CRPPA: variants seen among roughly 807,000 people sequenced by gnomAD.
The protein encoded by CRPPA is CDP-L-ribitol pyrophosphorylase A.
In CRPPA, 43 loss-of-function variants were observed where a neutral mutation model predicts 52.0. The ratio of observed to expected loss-of-function variants is 0.83; its 90% CI spans 0.65 to 1.07. The LOEUF (loss-of-function observed/expected upper bound fraction) is 1.07, where lower values mean the gene tolerates loss of function less well. CRPPA is among the 50% of genes least tolerant of loss of function. The probability of loss-of-function intolerance (pLI) is 0.00; values close to 1 mark genes in which losing one functional copy is unlikely to be tolerated. For missense variants in CRPPA, 629 were observed against 551.7 expected (o/e 1.14, Z -1.40); for synonymous variants, 250 against 203.5 (o/e 1.23, Z -1.94).
intron 2 of CRPPA, among the ~76,000 whole-genome samples, chr7:16,381,861 C>A (rs1022515048): frequency 1.4e-4 from 21 of 151,992 alleles, no homozygotes; most frequent in African/African-American, 4.1e-4. Flanking sequence ...TTTCTCCATC[C>A]TTTTATTTTG....
At chr7:16,129,730 C>T (rs1782647291) in intron 9 of CRPPA, among the ~76,000 whole-genome samples, 1 of 152,070 alleles carries the variant, frequency 6.6e-6, no homozygotes, top group African/African-American at 2.4e-5. Context: ...GGAATAGAAC[C>T]TCGGTTTCTG....
At chr7:16,100,595 A>C (rs1782024729) in intron 9 of CRPPA, among the ~76,000 whole-genome samples, 1 of 152,214 alleles carries the variant, frequency 6.6e-6, no homozygotes, top group Non-Finnish European at 1.5e-5. Flanking sequence ...TGTCATCTGC[A>C]AACAGAGACA....
intron 2 of CRPPA, among the ~76,000 whole-genome samples, chr7:16,397,373 C>T (rs1356000315): frequency 6.6e-6 from 1 of 152,128 alleles, no homozygotes; most frequent in Non-Finnish European, 1.5e-5. Context: ...GTGTGTAACA[C>T]GTGTGACATA....
At chr7:16,261,263 A>G (rs137957110) in intron 6 of CRPPA, among the ~76,000 whole-genome samples, 2,010 of 152,224 alleles carry the variant, frequency 0.013, 21 homozygotes, top group Middle Eastern at 0.031. Flanking sequence ...TAATTTCTAA[A>G]GGTTAAGAAG....
chr7:16,296,537 T>G (rs1246921931), intron 5 of CRPPA, among the ~76,000 whole-genome samples: 3 of 151,938 alleles, frequency 2.0e-5, no homozygotes, highest in African/African-American at 7.3e-5. Flanking sequence ...TAGAATACAA[T>G]TTGTTGACCA....
chr7:16,277,922 G>T lies in CRPPA; in HGVS notation c.933+207C>A, dbSNP rs114323347. 0.011 allele frequency among the ~76,000 whole-genome samples: 1,710 copies of T among 152,054 alleles called. 39 individuals are homozygous for T. Among genetic ancestry groups the T allele is most frequent in the African/African-American group, 0.039 (1,622 of 41,470 alleles). On this transcript the variant is annotated intron_variant, in intron 6 of 9. Coordinates refer to ENST00000407010, the MANE Select transcript of CRPPA (RefSeq NM_001101426.4). ...CTAAAGGTCGTCACACATGGACACTGGAAAAAAATCCACAAAAGGAATGAA... is the reference window on the plus strand; with the variant it reads ...CTAAAGGTCGTCACACATGGACACTTGAAAAAAATCCACAAAAGGAATGAA...
intron 3 of CRPPA, among the ~76,000 whole-genome samples, chr7:16,337,731 CT>C (rs1353585948): frequency 6.6e-6 from 1 of 152,040 alleles, no homozygotes; most frequent in East Asian, 1.9e-4. Context: ...TAAAAGATTA[CT>C]AAAAACAATT....
At chr7:16,259,735 C>A (rs1057196471) in intron 6 of CRPPA, among the ~76,000 whole-genome samples, 1 of 151,778 alleles carries the variant, frequency 6.6e-6, no homozygotes, top group Non-Finnish European at 1.5e-5. Context: ...ATAATAATTC[C>A]ACAGGAAATC....
intron 3 of CRPPA, among the ~76,000 whole-genome samples, chr7:16,333,744 C>T (rs1466787060): frequency 6.6e-6 from 1 of 152,132 alleles, no homozygotes; most frequent in South Asian, 2.1e-4. Flanking sequence ...TCTTTAGCTT[C>T]TCCCCCAATT....
chr7:16,221,713 C>T (rs1782512598), intron 8 of CRPPA, among the ~76,000 whole-genome samples: 1 of 152,020 alleles, frequency 6.6e-6, no homozygotes, highest in Non-Finnish European at 1.5e-5. Context: ...TATCACTGGC[C>T]ATCAGAGAAA....
rs141731494 is a variant in CRPPA at position 16,130,549 on chromosome 7, T to A, written c.1252-38750A>T. The stretch of plus-strand genomic sequence containing the variant: ...GGAATGGATTTCCAAAGGGCAAGAG[T>A]CAACTCTGTAACACTGACTCCACCC... On this transcript the variant is annotated intron_variant, in intron 9 of 9. Coordinates refer to ENST00000407010, the MANE Select transcript of CRPPA (RefSeq NM_001101426.4). Among the ~76,000 whole-genome samples the A allele has an allele frequency of 1.7e-3, 261 of 152,094 alleles. No homozygotes were observed. The East Asian group carries it at 0.028, about 16-fold the overall frequency.
intron 3 of CRPPA, among the ~76,000 whole-genome samples, chr7:16,349,352 A>G (rs1271518029): frequency 6.6e-6 from 1 of 152,226 alleles, no homozygotes; most frequent in Admixed American, 6.5e-5. Context: ...CTGACAAGAC[A>G]GGCAGATGTT....
intron 2 of CRPPA, among the ~76,000 whole-genome samples, chr7:16,380,743 A>AT (rs561560634): frequency 5.3e-5 from 8 of 152,248 alleles, no homozygotes; most frequent in African/African-American, 1.9e-4. Flanking sequence ...CGAGGAATTT[A>AT]TCCATTTCTT....
chr7:16,308,350 C>T (rs898941390), intron 4 of CRPPA, among the ~76,000 whole-genome samples, 173 bp downstream of exon 4: 3 of 152,124 alleles, frequency 2.0e-5, no homozygotes, highest in Admixed American at 2.0e-4. Context: ...TAAATTATCT[C>T]AAAGTGAATT....
At chr7:16,160,984 A>G (rs1783291651) in intron 9 of CRPPA, among the ~76,000 whole-genome samples, 1 of 152,144 alleles carries the variant, frequency 6.6e-6, no homozygotes, top group Non-Finnish European at 1.5e-5. Flanking sequence ...GATGTATAGG[A>G]AAGCTTGTGA....
intron 9 of CRPPA, among the ~76,000 whole-genome samples, chr7:16,142,940 C>A (rs748966369): frequency 6.6e-6 from 1 of 152,188 alleles, no homozygotes; most frequent in Non-Finnish European, 1.5e-5. Context: ...AGAAATAAAT[C>A]AAGAACAAAA....
chr7:16,332,291 T>A (rs1258501700), intron 3 of CRPPA, among the ~76,000 whole-genome samples: 1 of 152,162 alleles, frequency 6.6e-6, no homozygotes, highest in Non-Finnish European at 1.5e-5. Context: ...CCTGCTTTGC[T>A]AGCAATGTTA....
chr7:16,319,609 G>A (rs1244821394), intron 3 of CRPPA, among the ~76,000 whole-genome samples: 2 of 152,074 alleles, frequency 1.3e-5, no homozygotes, highest in African/African-American at 4.8e-5. Context: ...TTCCTACACT[G>A]GACAGACTGC....
rs73291502 is a variant in CRPPA at position 16,245,160 on chromosome 7, A to G, written c.1119+13230T>C. ...TAGCCTCTGAAGTGCCTGATAGGCA[A>G]TTTTCCAATTACAAACATATGTATA... On this transcript the variant is annotated intron_variant, in intron 8 of 9. Transcript: ENST00000407010. Among the ~76,000 whole-genome samples the G allele has an allele frequency of 4.2e-3, 644 of 152,302 alleles. 5 individuals are homozygous for G. Among genetic ancestry groups the G allele is most frequent in the African/African-American group, 0.015 (612 of 41,568 alleles).
Sources: allele counts gnomAD v4.1 joint callset (sites outside exome capture counted in the v4.1 genomes callset), GRCh38; gene constraint gnomAD v4.1.1; transcripts MANE v1.5; gene names NCBI Gene and HGNC (gene_info 2026-07-23, HGNC 2026-07-21).